Variants in VSTM5 observed in about 807,000 individuals in gnomAD.
The protein encoded by VSTM5 is V-set and transmembrane domain containing 5, also known as V-set and transmembrane domain-containing protein 5.
In VSTM5, 21 loss-of-function variants were observed where a neutral mutation model predicts 20.3. That is an observed-to-expected ratio of 1.03 (90% confidence interval 0.73 to 1.49). The LOEUF (loss-of-function observed/expected upper bound fraction) is 1.49, where lower values mean the gene tolerates loss of function less well. Among genes scored for constraint, VSTM5 ranks in the 40% most tolerant of loss-of-function variants. VSTM5 has a pLI of 0.00. For missense variants in VSTM5, 219 were observed against 250.0 expected, an observed-to-expected ratio of 0.88 and a Z score of 0.84; for synonymous variants, 100 against 102.5, an observed-to-expected ratio of 0.98 and a Z score of 0.14.
chr11:93,837,323 T>C (rs1944331044), intron 1 of VSTM5, among the ~76,000 whole-genome samples: 1 of 152,090 alleles, frequency 6.6e-6, no homozygotes, highest in African/African-American at 2.4e-5. Context: ...TGAGCCACCT[T>C]GCCCAGCCTG....
intron 1 of VSTM5, 85 bp downstream of exon 1, chr11:93,850,327 G>C (rs112543723): frequency 0.13 from 155,032 of 1,225,278 alleles, 10,964 homozygotes; most frequent in African/African-American, 0.18. Flanking sequence ...GGGCCAGGGG[G>C]GCCGCTGCTA....
intron 1 of VSTM5, among the ~76,000 whole-genome samples, chr11:93,846,755 A>C (rs947406154): frequency 4.7e-5 from 5 of 107,144 alleles, no homozygotes; most frequent in African/African-American, 1.2e-4. Context: ...ATTTTTAAAA[A>C]ATTTTTTTTA....
chr11:93,835,795 G>A (rs1408863349), intron 1 of VSTM5, among the ~76,000 whole-genome samples: 1 of 152,160 alleles, frequency 6.6e-6, no homozygotes, highest in Non-Finnish European at 1.5e-5. Context: ...TGACTATCTG[G>A]AAAGATACAG....
intron 1 of VSTM5, among the ~76,000 whole-genome samples, chr11:93,847,714 G>A (rs1431531763): frequency 6.6e-6 from 1 of 152,240 alleles, no homozygotes; most frequent in East Asian, 1.9e-4. Context: ...GTTCTAGAAA[G>A]GTGCCTGGTC....
rs117957454 is a variant in VSTM5 at position 93,825,455 on chromosome 11, C to A, written c.92-4132G>T. Reference sequence around the variant, plus strand: ...AAAGTGCTAGGATTACATGCGTGAGCCACTGCATCTGGCCTGCTTTTTTGA... The same window carrying A: ...AAAGTGCTAGGATTACATGCGTGAGACACTGCATCTGGCCTGCTTTTTTGA... On this transcript the variant is annotated intron_variant, in intron 1 of 3. Transcript: ENST00000409977. Among the ~76,000 whole-genome samples, 319 of 152,354 alleles carry A rather than the reference C, an allele frequency of 2.1e-3. 12 individuals are homozygous for A. The East Asian group carries it at 0.058, about 28-fold the overall frequency.
At chr11:93,834,828 A>T (rs1944311584) in intron 1 of VSTM5, among the ~76,000 whole-genome samples, 1 of 151,860 alleles carries the variant, frequency 6.6e-6, no homozygotes, top group Non-Finnish European at 1.5e-5. Context: ...TAAAATAAGA[A>T]ATTTAATCCC....
intron 1 of VSTM5, among the ~76,000 whole-genome samples, chr11:93,835,079 C>CA (rs1229999660): frequency 9.2e-5 from 14 of 152,180 alleles, no homozygotes; most frequent in Non-Finnish European, 1.8e-4. Flanking sequence ...AAAAGGTCCT[C>CA]ACCAGATGTG....
intron 1 of VSTM5, chr11:93,821,545 C>A: frequency 1.8e-6 from 1 of 563,100 alleles, no homozygotes; most frequent in Admixed American, 3.3e-5. Flanking sequence ...ATTTTGAAGA[C>A]TATTTAGAAT....
intron 1 of VSTM5, among the ~76,000 whole-genome samples, chr11:93,824,673 T>G (rs774029914): frequency 2.0e-5 from 3 of 152,238 alleles, no homozygotes; most frequent in East Asian, 1.9e-4. Flanking sequence ...TTTAGTTTGA[T>G]GTTGTCCCAC....
chr11:93,841,494 CTAA>C (rs1944369712), intron 1 of VSTM5, among the ~76,000 whole-genome samples: 1 of 152,232 alleles, frequency 6.6e-6, no homozygotes, highest in Non-Finnish European at 1.5e-5. Context: ...CTTCAAAACT[CTAA>C]CACAGTGGTT....
intron 1 of VSTM5, among the ~76,000 whole-genome samples, chr11:93,836,100 A>G (rs567210943): frequency 6.6e-6 from 1 of 152,126 alleles, no homozygotes; most frequent in Non-Finnish European, 1.5e-5. Context: ...CTCATCCACT[A>G]CATCCCATCT....
chr11:93,844,549 C>T (rs576557462), intron 1 of VSTM5, among the ~76,000 whole-genome samples: 3 of 152,322 alleles, frequency 2.0e-5, no homozygotes, highest in African/African-American at 7.2e-5. Flanking sequence ...ACTAGTTAGA[C>T]TGCATACAAG....
At position 93,850,395 on chromosome 11, in the gene VSTM5, C is replaced by T. The variant is rs926932888; in HGVS notation, c.91+17G>A. On this transcript the variant is annotated intron_variant, in intron 1 of 3. Transcript: ENST00000409977. ...ATTCCCGCTCCCCCAGCACCCGGGG[C>T]GTCCCCCGGAGCTTACTCTGCAGAC... 66 of 1,542,522 alleles carry T rather than the reference C, an allele frequency of 4.3e-5. No individual in the cohort carries two copies. Among genetic ancestry groups the T allele is most frequent in the Non-Finnish European group, 5.6e-5 (64 of 1,141,846 alleles).
rs1032590798 is a variant in VSTM5 at position 93,821,193 on chromosome 11, T to C, written c.222A>G (p.Gly74=). The change falls in exon 2 of 4, where the codon GGA becomes GGG. Residue 74 remains glycine, a synonymous_variant. Transcript: ENST00000409977. The part of the protein sequence containing the change: ...TIEWTYSSNW[G]TQKIVEWKPG... The stretch of plus-strand genomic sequence containing the variant: ...GTTTCCACTCCACGATCTTCTGCGT[T>C]CCCCAATTGGATGAATATGTCCATT... 19 of 1,552,040 alleles carry C rather than the reference T, an allele frequency of 1.2e-5. No individual in the cohort carries two copies. The highest frequency in any genetic ancestry group is 4.8e-5 in the South Asian group (4 of 84,056).
chr11:93,827,221 T>C (rs1391434666), intron 1 of VSTM5, among the ~76,000 whole-genome samples: 1 of 151,972 alleles, frequency 6.6e-6, no homozygotes, highest in Non-Finnish European at 1.5e-5. Flanking sequence ...CCATCTCTAC[T>C]AAAAATACAA....
In VSTM5 at chr11:93,820,438, T is replaced by C; in HGVS notation, c.*131A>G. Reference sequence around the variant, plus strand: ...CTCAACTCCATGCAGTCAATGTTGTTAATCTCCCACTGTCCTGTTAGGAGC... The same window carrying C: ...CTCAACTCCATGCAGTCAATGTTGTCAATCTCCCACTGTCCTGTTAGGAGC... On this transcript the variant is annotated 3_prime_UTR_variant, in exon 4 of 4. Transcript: ENST00000409977. The C allele has an allele frequency of 1.1e-6, 1 of 932,474 alleles. No homozygotes were observed. 57.8% of individuals were successfully genotyped at this position (932,474 alleles called of 1,614,324 possible).
intron 1 of VSTM5, among the ~76,000 whole-genome samples, chr11:93,831,061 T>A (rs1178238697): frequency 6.6e-6 from 1 of 151,734 alleles, no homozygotes; most frequent in Non-Finnish European, 1.5e-5. Context: ...GCCTGGTAGT[T>A]TTTTGTTTTT....
In VSTM5 at chr11:93,834,084, G is replaced by C. The variant is rs990051952; in HGVS notation, c.92-12761C>G. Among the ~76,000 whole-genome samples, 7 of 152,102 alleles carry C rather than the reference G, an allele frequency of 4.6e-5. No individual in the cohort carries two copies. In the East Asian group the frequency reaches 1.4e-3, roughly 30 times the overall value. The stretch of plus-strand genomic sequence containing the variant: ...TTCTGCCTTTTCATCATATCTACCT[G>C]GTAAGGCCCTAGTCCTGGGACTAAC... On this transcript the variant is annotated intron_variant, in intron 1 of 3. Transcript: ENST00000409977.
intron 1 of VSTM5, among the ~76,000 whole-genome samples, chr11:93,845,206 T>G (rs1157761987): frequency 6.6e-6 from 1 of 152,188 alleles, no homozygotes; most frequent in African/African-American, 2.4e-5. Flanking sequence ...GTGATCTAAT[T>G]GGTCTACAGC....
Sources: gnomAD v4.1 joint callset for allele counts (sites outside exome capture counted in the v4.1 genomes callset) on GRCh38, gnomAD v4.1.1 for gene constraint, MANE v1.5 for transcripts, NCBI Gene and HGNC (gene_info 2026-07-23, HGNC 2026-07-21) for gene names.